The following INPP4B variants were observed in gnomAD, a reference collection of about 807,000 sequenced individuals.
INPP4B encodes inositol polyphosphate-4-phosphatase type II B, also known as inositol polyphosphate 4-phosphatase type II.
A neutral mutation model predicts 122.5 loss-of-function variants in INPP4B; 55 were observed. That is an observed-to-expected ratio of 0.45 (90% CI 0.36 to 0.56). INPP4B has a LOEUF of 0.56. INPP4B is among the 20% of genes least tolerant of loss of function. The probability of loss-of-function intolerance (pLI) is 0.00; values close to 1 mark genes in which losing one functional copy is unlikely to be tolerated. For synonymous variants in INPP4B, 403 were observed against 388.7 expected (o/e 1.04, Z -0.43); for missense variants, 1,000 against 1,097.7 (o/e 0.91, Z 1.26).
chr4:142,400,105 G>T (rs754319154), intron 7 of INPP4B, among the ~76,000 whole-genome samples: 10 of 152,082 alleles, frequency 6.6e-5, no homozygotes, highest in Non-Finnish European at 1.5e-4. Context: ...CAGAGAAAAG[G>T]CCATCATTTC....
rs546796036 is a variant in INPP4B, at chr4:142,397,707, C to T, written c.372+5231G>A. ...CAAAAAAATTAGCCGGGCATGATGG[C>T]GGGCGCCTGTAGTCCCAGTTACTCG... On this transcript the variant is annotated intron_variant, in intron 7 of 25. Coordinates refer to ENST00000262992, the MANE Select transcript of INPP4B (RefSeq NM_001101669.3). Among the ~76,000 whole-genome samples, 95 of 151,946 alleles carry T rather than the reference C, an allele frequency of 6.3e-4. 1 individual carries two copies. The Middle Eastern group carries it at 0.01, about 16-fold the overall frequency.
chr4:142,723,751 T>A (rs1462125069), intron 2 of INPP4B, among the ~76,000 whole-genome samples: 2 of 152,178 alleles, frequency 1.3e-5, no homozygotes, highest in Admixed American at 6.5e-5. Flanking sequence ...CTAGTATGTC[T>A]TAAACTTCCA....
At chr4:142,182,008 C>A (rs1338104044) in intron 15 of INPP4B, among the ~76,000 whole-genome samples, 1 of 152,176 alleles carries the variant, frequency 6.6e-6, no homozygotes, top group African/African-American at 2.4e-5. Context: ...TGGTGGATAG[C>A]AAAATCCCTT....
intron 3 of INPP4B, among the ~76,000 whole-genome samples, chr4:142,458,104 C>T (rs1815875397): frequency 6.6e-6 from 1 of 151,914 alleles, no homozygotes; most frequent in Admixed American, 6.6e-5. Flanking sequence ...CAGTGATAAA[C>T]CTGTAAAATA....
At chr4:142,138,487 G>C (rs1454610861) in intron 18 of INPP4B, among the ~76,000 whole-genome samples, 1 of 151,698 alleles carries the variant, frequency 6.6e-6, no homozygotes, top group Non-Finnish European at 1.5e-5. Flanking sequence ...GTATACATAT[G>C]TAACTAACCT....
chr4:142,276,847 C>T (rs1301340425), intron 9 of INPP4B, among the ~76,000 whole-genome samples: 4 of 151,858 alleles, frequency 2.6e-5, no homozygotes, highest in African/African-American at 4.8e-5. Context: ...TTTTACCTTC[C>T]TCATGACACT....
intron 2 of INPP4B, among the ~76,000 whole-genome samples, chr4:142,532,534 C>A (rs182410741): frequency 2.0e-5 from 3 of 152,240 alleles, no homozygotes; most frequent in Admixed American, 1.3e-4. Context: ...AACTTTCAAC[C>A]AATCTGTGTG....
intron 1 of INPP4B, among the ~76,000 whole-genome samples, chr4:142,808,396 G>A (rs932911419): frequency 1.3e-5 from 2 of 152,096 alleles, no homozygotes; most frequent in African/African-American, 2.4e-5. Context: ...TCTCTCAAAT[G>A]ATTTATAATA....
intron 2 of INPP4B, among the ~76,000 whole-genome samples, chr4:142,537,429 T>TATATATATATAGAGAGAGAG (rs1200701380): frequency 1.2e-4 from 3 of 25,480 alleles, no homozygotes; most frequent in Non-Finnish European, 1.8e-4. Context: ...TATATATATA[T>TATATATATATAGAGAGAGAG]AGAGAGAGAG....
chr4:142,474,153 T>G (rs1038569497), intron 2 of INPP4B: 46 of 152,402 alleles, frequency 3.0e-4, no homozygotes, highest in African/African-American at 1.1e-3. Flanking sequence ...CCTCCTGTTG[T>G]CCTGGGAAAC....
rs572092121 is a variant in INPP4B at position 142,152,066 on chromosome 4, C to CTTTTT, written c.1564-6075_1564-6071dup. 3.1e-4 allele frequency among the ~76,000 whole-genome samples: 22 copies of CTTTTT among 69,954 alleles called. 1 individual carries two copies. Among genetic ancestry groups the CTTTTT allele is most frequent in the African/African-American group, 1.2e-3 (22 of 18,004 alleles). 45.9% of individuals were successfully genotyped at this position (69,954 alleles called of 152,430 possible). A position where few individuals can be genotyped will look rare whatever the true frequency, so the allele number is the denominator to read the frequency against. Reference sequence around the variant, plus strand: ...TGCCTAACATGCTTTTTTGTCTTTTCTTTTTTTTTTTTTTTTTTTTTTTTT... The same window carrying CTTTTT: ...TGCCTAACATGCTTTTTTGTCTTTTCTTTTTTTTTTTTTTTTTTTTTTTTTTTTTT... On this transcript the variant is annotated intron_variant, in intron 17 of 25. Coordinates refer to ENST00000262992, the MANE Select transcript of INPP4B (RefSeq NM_001101669.3).
At chr4:142,295,205 C>T (rs1758143525) in intron 9 of INPP4B, among the ~76,000 whole-genome samples, 1 of 152,154 alleles carries the variant, frequency 6.6e-6, no homozygotes, top group Admixed American at 6.5e-5. Context: ...CTTACGCAAG[C>T]TTAAAAAGAA....
At chr4:142,246,781 C>G (rs916536405) in intron 11 of INPP4B, among the ~76,000 whole-genome samples, 1 of 152,062 alleles carries the variant, frequency 6.6e-6, no homozygotes, top group Non-Finnish European at 1.5e-5. Flanking sequence ...ATCTGAATAC[C>G]CTTTATTTCC....
intron 2 of INPP4B, among the ~76,000 whole-genome samples, chr4:142,565,055 G>T (rs1164121319): frequency 6.6e-6 from 1 of 151,976 alleles, no homozygotes; most frequent in African/African-American, 2.4e-5. Flanking sequence ...TCTTTAATAT[G>T]AAACAGTTCC....
At chr4:142,417,234 T>A (rs777044439) in intron 5 of INPP4B, among the ~76,000 whole-genome samples, 58 of 152,222 alleles carry the variant, frequency 3.8e-4, no homozygotes, top group African/African-American at 1.3e-3. Context: ...TCAAATTAAA[T>A]TAAAAAGAAC....
chr4:142,253,115 A>C (rs1293201254), intron 11 of INPP4B, among the ~76,000 whole-genome samples: 1 of 152,194 alleles, frequency 6.6e-6, no homozygotes, highest in Non-Finnish European at 1.5e-5. Flanking sequence ...TAGAAAAGGT[A>C]CAGTAAAAAT....
intron 11 of INPP4B, among the ~76,000 whole-genome samples, chr4:142,254,156 A>G (rs1734254915): frequency 6.6e-6 from 1 of 152,174 alleles, no homozygotes; most frequent in Non-Finnish European, 1.5e-5. Flanking sequence ...GTCTGTTAGA[A>G]GGAAAACTAA....
chr4:142,033,846 TA>T (rs5862565), intron 25 of INPP4B, among the ~76,000 whole-genome samples: 134,851 of 151,780 alleles, frequency 0.89, 60,705 homozygotes, highest in Non-Finnish European at 0.97. Flanking sequence ...TGTGTTTTTT[TA>T]ATAGAGATGG....
chr4:142,188,292 C>T (rs1193352880), intron 15 of INPP4B, among the ~76,000 whole-genome samples: 2 of 151,364 alleles, frequency 1.3e-5, no homozygotes, highest in African/African-American at 4.8e-5. Flanking sequence ...TCGAGACCAT[C>T]CTGGCTAACA....
Sources: gnomAD v4.1 joint callset for allele counts (sites outside exome capture counted in the v4.1 genomes callset) on GRCh38, gnomAD v4.1.1 for gene constraint, MANE v1.5 for transcripts, NCBI Gene and HGNC (gene_info 2026-07-23, HGNC 2026-07-21) for gene names.